RASAL2: variants seen among roughly 807,000 people sequenced by gnomAD.
RASAL2 encodes the protein ras GTPase-activating protein nGAP.
A neutral mutation model predicts 128.9 loss-of-function variants in RASAL2; 58 were observed. The observed-to-expected ratio is 0.45, with a 90% confidence interval of 0.36 to 0.56. The LOEUF is 0.56. RASAL2 is among the 20% of genes least tolerant of loss of function. The pLI, the probability that RASAL2 is intolerant of heterozygous loss-of-function variation, is 0.00. For missense variants in RASAL2, 1,360 were observed against 1,601.6 expected (o/e 0.85, Z 2.57); for synonymous variants, 561 against 580.8 (o/e 0.97, Z 0.49).
At chr1:178,392,205 C>T (rs1220069148) in intron 4 of RASAL2, among the ~76,000 whole-genome samples, 2 of 152,112 alleles carry the variant, frequency 1.3e-5, no homozygotes, top group East Asian at 3.9e-4. Context: ...GATAAGTGAG[C>T]ATGGTAACAC....
intron 2 of RASAL2, among the ~76,000 whole-genome samples, chr1:178,299,567 G>T (rs1034856363): frequency 6.6e-6 from 1 of 151,122 alleles, no homozygotes; most frequent in Non-Finnish European, 1.5e-5. Context: ...GTGTGATCTC[G>T]GCTCACTGCA....
chr1:178,244,049 C>G (rs1664648944), intron 1 of RASAL2, among the ~76,000 whole-genome samples: 1 of 152,106 alleles, frequency 6.6e-6, no homozygotes, highest in African/African-American at 2.4e-5. Context: ...TCCAACGTCA[C>G]TTTCATTGGC....
rs534551748 is a variant in RASAL2, at chr1:178,100,242, G to A, written c.202+5548G>A. On this transcript the variant is annotated intron_variant, in intron 1 of 17. Coordinates refer to ENST00000367649, the MANE Select transcript of RASAL2 (RefSeq NM_170692.4). ...ACACATTTTTAAAAATGGGCCGGGC[G>A]CGGTGGCTTATGCCCATAATTCCAG... Among the ~76,000 whole-genome samples, 9 of 152,088 alleles carry A rather than the reference G, an allele frequency of 5.9e-5. No homozygotes were observed. The South Asian group carries it at 1.0e-3, about 18-fold the overall frequency.
intron 1 of RASAL2, among the ~76,000 whole-genome samples, chr1:178,198,093 C>CT (rs1662736191): frequency 6.6e-6 from 1 of 152,190 alleles, no homozygotes; most frequent in African/African-American, 2.4e-5. Context: ...TTAATCCAGT[C>CT]TATCATTGAT....
In RASAL2 at chr1:178,199,683, G is replaced by C. The variant is rs186884422; in HGVS notation, c.203-83881G>C. Reference sequence around the variant, plus strand: ...TATGTTTCATGACAACCAATCTTCTGTGTTTTTTTTTGGAGACAAAAATGT... The same window carrying C: ...TATGTTTCATGACAACCAATCTTCTCTGTTTTTTTTTGGAGACAAAAATGT... On this transcript the variant is annotated intron_variant, in intron 1 of 17. Coordinates refer to ENST00000367649, the MANE Select transcript of RASAL2 (RefSeq NM_170692.4). 4.0e-4 allele frequency among the ~76,000 whole-genome samples: 60 copies of C among 150,614 alleles called. No individual in the cohort carries two copies. In the East Asian group the frequency reaches 9.9e-3, roughly 25 times the overall value.
intron 14 of RASAL2, among the ~76,000 whole-genome samples, chr1:178,463,283 G>C (rs1647293313): frequency 6.6e-6 from 1 of 151,978 alleles, no homozygotes; most frequent in Non-Finnish European, 1.5e-5. Context: ...CAGGACAGAG[G>C]GGAAAAAAAT....
At chr1:178,125,422 T>C (rs1571509020) in intron 1 of RASAL2, 1 of 152,176 alleles carries the variant, frequency 6.6e-6, no homozygotes, top group African/African-American at 2.4e-5. Flanking sequence ...TGAGGCTGGG[T>C]AATTTATAAA....
intron 3 of RASAL2, among the ~76,000 whole-genome samples, chr1:178,356,558 ATATT>A (rs1324531022): frequency 6.6e-6 from 1 of 152,198 alleles, no homozygotes; most frequent in Non-Finnish European, 1.5e-5. Flanking sequence ...TTAAAATATA[ATATT>A]TAGTAAATCA....
intron 1 of RASAL2, among the ~76,000 whole-genome samples, chr1:178,136,557 A>G (rs1399356576): frequency 1.3e-5 from 2 of 151,860 alleles, no homozygotes; most frequent in South Asian, 4.2e-4. Flanking sequence ...GGAGTTCGAG[A>G]CCAGCCTGGC....
At chr1:178,429,112 A>G (rs1675720316) in intron 5 of RASAL2, among the ~76,000 whole-genome samples, 1 of 152,100 alleles carries the variant, frequency 6.6e-6, no homozygotes, top group Admixed American at 6.5e-5. Flanking sequence ...TGACTCTGAC[A>G]GATGCATTTC....
intron 1 of RASAL2, among the ~76,000 whole-genome samples, chr1:178,266,686 G>A (rs1665967588): frequency 6.6e-6 from 1 of 152,228 alleles, no homozygotes; most frequent in African/African-American, 2.4e-5. Context: ...GAGACCTCAA[G>A]TGCGGCAGAA....
chr1:178,435,340 G>A (rs1408614147), intron 5 of RASAL2, among the ~76,000 whole-genome samples: 1 of 152,096 alleles, frequency 6.6e-6, no homozygotes, highest in African/African-American at 2.4e-5. Context: ...AAATCCAGCT[G>A]TGTTTTACTT....
intron 3 of RASAL2, among the ~76,000 whole-genome samples, chr1:178,362,075 A>G (rs895377293): frequency 5.3e-5 from 8 of 152,210 alleles, no homozygotes; most frequent in Admixed American, 5.2e-4. Context: ...CCTACTTCCT[A>G]CCAGGCCATA....
At chr1:178,277,289 G>A (rs548967892) in intron 1 of RASAL2, among the ~76,000 whole-genome samples, 1 of 152,056 alleles carries the variant, frequency 6.6e-6, no homozygotes, top group Admixed American at 6.5e-5. Context: ...TTCCCAAGTA[G>A]CTGGGACTAC....
At position 178,244,744 on chromosome 1, in the gene RASAL2, A is replaced by G. The variant is rs973561293; in HGVS notation, c.203-38820A>G. The stretch of plus-strand genomic sequence containing the variant: ...TTCCCCTTTCCCCTCATCCCCCAAC[A>G]GGCCCCGGTGTGTGATGATCCCCTC... On this transcript the variant is annotated intron_variant, in intron 1 of 17. Coordinates refer to ENST00000367649, the MANE Select transcript of RASAL2 (RefSeq NM_170692.4). 1.1e-4 allele frequency among the ~76,000 whole-genome samples: 16 copies of G among 151,888 alleles called. No individual in the cohort carries two copies. The South Asian group carries it at 1.7e-3, about 16-fold the overall frequency.
chr1:178,171,638 C>T (rs1201370217), intron 1 of RASAL2, among the ~76,000 whole-genome samples: 1 of 151,890 alleles, frequency 6.6e-6, no homozygotes, highest in Non-Finnish European at 1.5e-5. Flanking sequence ...TTATCCAGTA[C>T]TTAATATAAG....
chr1:178,362,993 T>C (rs1230830220), intron 3 of RASAL2, among the ~76,000 whole-genome samples: 3 of 152,140 alleles, frequency 2.0e-5, no homozygotes, highest in Non-Finnish European at 4.4e-5. Flanking sequence ...TTAATAAGAT[T>C]GTGATTTCAT....
chr1:178,214,657 C>T (rs535246735), intron 1 of RASAL2, among the ~76,000 whole-genome samples: 1 of 151,606 alleles, frequency 6.6e-6, no homozygotes, highest in East Asian at 2.0e-4. Flanking sequence ...CTCCTGGGTT[C>T]ATGCCATTCT....
chr1:178,427,828 T>C (rs1462257301), intron 5 of RASAL2, among the ~76,000 whole-genome samples: 1 of 152,106 alleles, frequency 6.6e-6, no homozygotes, highest in Non-Finnish European at 1.5e-5. Context: ...TTTAATCATA[T>C]GTATAGATTA....
Sources: gnomAD v4.1 joint callset for allele counts (sites outside exome capture counted in the v4.1 genomes callset) on GRCh38, gnomAD v4.1.1 for gene constraint, MANE v1.5 for transcripts, NCBI Gene and HGNC (gene_info 2026-07-23, HGNC 2026-07-21) for gene names.